AK5: variants seen among roughly 807,000 people sequenced by gnomAD.
AK5 encodes the protein adenylate kinase isoenzyme 5.
AK5 carries 27 observed loss-of-function variants against 69.5 expected under a neutral mutation model. The ratio of observed to expected loss-of-function variants is 0.39; its 90% CI spans 0.29 to 0.54. The LOEUF is 0.54. AK5 is among the 20% of genes least tolerant of loss of function. The probability of loss-of-function intolerance (pLI) is 0.71; values close to 1 mark genes in which losing one functional copy is unlikely to be tolerated. For synonymous variants in AK5, 260 were observed against 244.4 expected (o/e 1.06, Z -0.60); for missense variants, 531 against 700.4 (o/e 0.76, Z 2.73).
At chr1:77,385,462 C>A (rs1647958933) in intron 6 of AK5, among the ~76,000 whole-genome samples, 1 of 152,120 alleles carries the variant, frequency 6.6e-6, no homozygotes, top group Admixed American at 6.5e-5. Context: ...CCCGGCCAGA[C>A]TTTACAAAGT....
intron 8 of AK5, among the ~76,000 whole-genome samples, chr1:77,460,850 A>C (rs996236434): frequency 6.6e-6 from 1 of 151,578 alleles, no homozygotes; most frequent in Admixed American, 6.6e-5. Context: ...CAGCCTCCCA[A>C]GTAGCTAGGA....
At chr1:77,511,735 G>A (rs1657359216) in intron 10 of AK5, among the ~76,000 whole-genome samples, 1 of 152,204 alleles carries the variant, frequency 6.6e-6, no homozygotes, top group Admixed American at 6.5e-5. Flanking sequence ...AGCCTATGGT[G>A]GCCTGGGCAG....
Position 77,321,472 on chromosome 1 carries a change from C to CA in AK5, c.700-18892dup, listed in dbSNP as rs749186735. 2.5e-3 allele frequency among the ~76,000 whole-genome samples: 325 copies of CA among 131,060 alleles called. 5 individuals are homozygous for CA. The highest frequency in any genetic ancestry group is 0.012 in the Middle Eastern group (3 of 244). 86.0% of individuals were successfully genotyped at this position (131,060 alleles called of 152,430 possible). A position where few individuals can be genotyped will look rare whatever the true frequency, so the allele number is the denominator to read the frequency against. ...CAATAGATAGAGCGAGACTCCGTCT[C>CA]AAAAAAAAAAAAAGTCTCAGTACAT... is the stretch of plus-strand genomic sequence containing the variant. On this transcript the variant is annotated intron_variant, in intron 5 of 13. Coordinates refer to ENST00000354567, the MANE Select transcript of AK5 (RefSeq NM_174858.3).
chr1:77,313,925 G>A (rs112694536), intron 5 of AK5: 11 of 509,814 alleles, frequency 2.2e-5, no homozygotes, highest in African/African-American at 3.9e-5. Flanking sequence ...AGAAGTCTTT[G>A]CCTCTGCCTG....
intron 10 of AK5, among the ~76,000 whole-genome samples, chr1:77,516,428 GA>G (rs36116132): frequency 2.7e-5 from 4 of 148,120 alleles, no homozygotes; most frequent in East Asian, 2.0e-4. Flanking sequence ...TTCAGCACCA[GA>G]AAAAAAAAAG....
At chr1:77,354,112 TG>T (rs1662366259) in intron 6 of AK5, among the ~76,000 whole-genome samples, 1 of 152,018 alleles carries the variant, frequency 6.6e-6, no homozygotes, top group South Asian at 2.1e-4. Flanking sequence ...GGATTGGAAA[TG>T]GGAGTAAGTG....
rs574951440 is a variant in AK5, at chr1:77,309,407, G to A, written c.699+11460G>A. ...TACCTGTCTACACGTTCGACATGCT[G>A]TACCACTTCCTGTTTTTCACAGTGA... On this transcript the variant is annotated intron_variant, in intron 5 of 13. Coordinates refer to ENST00000354567, the MANE Select transcript of AK5 (RefSeq NM_174858.3). Among the ~76,000 whole-genome samples the A allele has an allele frequency of 3.6e-4, 55 of 152,162 alleles. 2 individuals carry two copies. Among genetic ancestry groups the A allele is most frequent in the African/African-American group, 1.2e-3 (51 of 41,462 alleles).
intron 12 of AK5, among the ~76,000 whole-genome samples, chr1:77,523,832 CTT>C (rs1658130131): frequency 6.6e-6 from 1 of 151,946 alleles, no homozygotes; most frequent in African/African-American, 2.4e-5. Context: ...CCCAGCTAAA[CTT>C]TTTGATTTTT....
At chr1:77,455,399 C>G (rs758765400) in intron 8 of AK5, among the ~76,000 whole-genome samples, 13 of 152,146 alleles carry the variant, frequency 8.5e-5, no homozygotes, top group Admixed American at 2.0e-4. Flanking sequence ...GCCCATCCCA[C>G]CATGAGAAGG....
intron 6 of AK5, among the ~76,000 whole-genome samples, chr1:77,365,194 T>A (rs971268648): frequency 6.6e-6 from 1 of 152,226 alleles, no homozygotes; most frequent in Admixed American, 6.5e-5. Context: ...GGTCAATGGC[T>A]CATTTTTTAA....
At chr1:77,498,490 A>G (rs528698372) in intron 10 of AK5, among the ~76,000 whole-genome samples, 56 of 152,348 alleles carry the variant, frequency 3.7e-4, no homozygotes, top group African/African-American at 1.1e-3. Flanking sequence ...GCAACACTAC[A>G]TGAGTTCGAA....
chr1:77,545,008 T>C (rs1189222765), intron 13 of AK5, among the ~76,000 whole-genome samples: 4 of 152,284 alleles, frequency 2.6e-5, no homozygotes, highest in Admixed American at 2.6e-4. Context: ...GGCTACCACA[T>C]CACAAGGCGC....
At chr1:77,326,475 T>C (rs1660811075) in intron 5 of AK5, among the ~76,000 whole-genome samples, 1 of 152,124 alleles carries the variant, frequency 6.6e-6, no homozygotes, top group Admixed American at 6.5e-5. Context: ...TTCATGTAAG[T>C]TTCAAATGGA....
intron 6 of AK5, among the ~76,000 whole-genome samples, chr1:77,396,370 G>T (rs1001518406): frequency 2.6e-5 from 4 of 152,088 alleles, no homozygotes; most frequent in African/African-American, 9.7e-5. Flanking sequence ...GGGAAAAATT[G>T]TTCAATTACA....
At chr1:77,545,235 T>C (rs186168502) in intron 13 of AK5, among the ~76,000 whole-genome samples, 3 of 152,278 alleles carry the variant, frequency 2.0e-5, no homozygotes, top group East Asian at 1.9e-4. Flanking sequence ...CTCCTCCTTC[T>C]GTTCTCTTTC....
In AK5 at chr1:77,559,576, T is replaced by A. The variant is rs1194099076; in HGVS notation, c.*906T>A. 1 of 152,162 alleles carries A rather than the reference T, an allele frequency of 6.6e-6. No individual in the cohort carries two copies. Among genetic ancestry groups the A allele is most frequent in the African/African-American group, 2.4e-5 (1 of 41,452 alleles). The allele number at this position is 152,162 out of a possible 1,614,324, so 9.4% of individuals were successfully genotyped here. On this transcript the variant is annotated 3_prime_UTR_variant, in exon 14 of 14. Coordinates refer to ENST00000354567, the MANE Select transcript of AK5 (RefSeq NM_174858.3). ...ATTTGTTGCCAAGCAAGTAAAAAAA[T>A]ACCCTAACAAACCTGATGTGGGTGG... is the stretch of plus-strand genomic sequence containing the variant.
chr1:77,342,337 T>C (rs1661698499), intron 6 of AK5, among the ~76,000 whole-genome samples: 1 of 152,232 alleles, frequency 6.6e-6, no homozygotes, highest in African/African-American at 2.4e-5. Context: ...CTCTGATTAC[T>C]CCCTGCTTGT....
intron 2 of AK5, 54 bp from the exon 3 acceptor site, chr1:77,293,739 G>A: frequency 6.9e-7 from 1 of 1,439,390 alleles, no homozygotes; most frequent in Non-Finnish European, 9.4e-7. Flanking sequence ...TAAGTGTGAA[G>A]AGTGTTTTAT....
intron 8 of AK5, among the ~76,000 whole-genome samples, chr1:77,468,174 A>G (rs1654259377): frequency 6.6e-6 from 1 of 152,234 alleles, no homozygotes; most frequent in Non-Finnish European, 1.5e-5. Context: ...GACTGATACC[A>G]TTGAAGCAGC....
Sources: gnomAD v4.1 joint callset for allele counts (sites outside exome capture counted in the v4.1 genomes callset) on GRCh38, gnomAD v4.1.1 for gene constraint, MANE v1.5 for transcripts, NCBI Gene and HGNC (gene_info 2026-07-23, HGNC 2026-07-21) for gene names.